The following OCM2 variants were observed in gnomAD, a reference collection of about 807,000 sequenced individuals.
The protein encoded by OCM2 is oncomodulin-2.
A neutral mutation model predicts 13.6 loss-of-function variants in OCM2; 6 were observed. The observed-to-expected ratio is 0.44, with a 90% CI of 0.24 to 0.87. The LOEUF (loss-of-function observed/expected upper bound fraction) is 0.87. OCM2 is among the 40% of genes least tolerant of loss of function. The probability of loss-of-function intolerance (pLI) is 0.22; values close to 1 mark genes in which losing one functional copy is unlikely to be tolerated. For synonymous variants in OCM2, 40 were observed against 50.7 expected (o/e 0.79, Z 0.90); for missense variants, 118 against 136.8 (o/e 0.86, Z 0.68).
intron 3 of OCM2, among the ~76,000 whole-genome samples, chr7:97,986,301 T>C (rs1186946237): frequency 7.1e-6 from 1 of 141,714 alleles, no homozygotes; most frequent in Non-Finnish European, 1.5e-5. Context: ...TAGTAAGCGA[T>C]AGTGGTATAA....
chr7:97,989,735 A>T (rs1438273695), intron 1 of OCM2, among the ~76,000 whole-genome samples: 2 of 147,640 alleles, frequency 1.4e-5, no homozygotes, highest in Non-Finnish European at 3.0e-5. Context: ...TTGTAGACAG[A>T]GTCTACAAAA....
chr7:97,989,252 T>C (rs1794705563), intron 1 of OCM2, among the ~76,000 whole-genome samples: 1 of 151,940 alleles, frequency 6.6e-6, no homozygotes, highest in Non-Finnish European at 1.5e-5. Context: ...CTTGCTTTCA[T>C]GTTTAGTAGG....
At chr7:97,985,708 C>T (rs1469334131) in intron 3 of OCM2, among the ~76,000 whole-genome samples, 4 of 152,050 alleles carry the variant, frequency 2.6e-5, no homozygotes, top group Non-Finnish European at 4.4e-5. Context: ...CTGGGTATTG[C>T]ATTTTTAGGA....
intron 1 of OCM2, 30 bp downstream of exon 1, chr7:97,990,014 A>AGTGGG: frequency 7.2e-7 from 1 of 1,385,022 alleles, no homozygotes; most frequent in Non-Finnish European, 1.0e-6. Context: ...GCTGTGAGGA[A>AGTGGG]ATCCCACCCC....
At chr7:97,988,210 C>T (rs1460868339) in intron 2 of OCM2, among the ~76,000 whole-genome samples, 1 of 151,446 alleles carries the variant, frequency 6.6e-6, no homozygotes, top group African/African-American at 2.4e-5. Flanking sequence ...AGAATCTTTG[C>T]ACCTGTAGTC....
chr7:97,985,194 G>T lies in OCM2; in HGVS notation c.305-211C>A, dbSNP rs560236663. Among the ~76,000 whole-genome samples, 79 of 152,132 alleles carry T rather than the reference G, an allele frequency of 5.2e-4. 1 individual carries two copies. Among genetic ancestry groups the T allele is most frequent in the Non-Finnish European group, 1.5e-4 (10 of 68,020 alleles). Reference sequence around the variant, plus strand: ...CCAGCACTTTGGGAGGCCGAAGCGGGTGGATCATGACATCATGAGATCGAA... The same window carrying T: ...CCAGCACTTTGGGAGGCCGAAGCGGTTGGATCATGACATCATGAGATCGAA... On this transcript the variant is annotated intron_variant, in intron 3 of 3. Coordinates refer to ENST00000257627, the Ensembl canonical transcript of OCM2.
chr7:97,989,475 C>T (rs1190288398), intron 1 of OCM2, among the ~76,000 whole-genome samples: 2 of 151,862 alleles, frequency 1.3e-5, no homozygotes, highest in African/African-American at 4.8e-5. Flanking sequence ...TCATAGCTCA[C>T]CACAGCCTCA....
At chr7:97,987,049 T>A in exon 3 of OCM2, 3 of 1,613,178 alleles carry the variant, frequency 1.9e-6, no homozygotes, top group Non-Finnish European at 8.5e-7. Flanking sequence ...GGACATACCC[T>A]CTGCTCCAAT....
At chr7:97,987,489 G>T (rs536963420) in intron 2 of OCM2, among the ~76,000 whole-genome samples, 2 of 151,718 alleles carry the variant, frequency 1.3e-5, no homozygotes, top group East Asian at 1.9e-4. Flanking sequence ...GGGACTAAAG[G>T]TGCACCCCCC....
Position 97,985,458 on chromosome 7 carries a change from A to AG in OCM2, c.305-476_305-475insC, listed in dbSNP as rs1562865194. 3.3e-5 allele frequency among the ~76,000 whole-genome samples: 5 copies of AG among 151,572 alleles called. No individual in the cohort carries two copies. The East Asian group carries it at 5.8e-4, about 18-fold the overall frequency. On this transcript the variant is annotated intron_variant, in intron 3 of 3. Transcript: ENST00000257627. ...AAGAAAGAAAGAAAGAAAGAAAGAA[A>AG]AAAACCCTGGGTATCAATGACTATA...
chr7:97,988,649 A>C, intron 1 of OCM2, 101 bp from the exon 2 acceptor site: 2 of 1,465,830 alleles, frequency 1.4e-6, no homozygotes, highest in Non-Finnish European at 1.9e-6. Flanking sequence ...CTTCAACAAT[A>C]TCCCTGAGCT....
intron 3 of OCM2, among the ~76,000 whole-genome samples, chr7:97,986,449 A>C (rs902642937): frequency 6.6e-5 from 10 of 152,214 alleles, no homozygotes; most frequent in African/African-American, 1.7e-4. Context: ...GCAACATGAC[A>C]AAATCAAGTG....
chr7:97,985,250 C>A (rs1388513970), intron 3 of OCM2, among the ~76,000 whole-genome samples: 4 of 151,950 alleles, frequency 2.6e-5, no homozygotes, highest in African/African-American at 9.7e-5. Context: ...GAAACCCTGT[C>A]TCTACTAAAA....
At position 97,986,406 on chromosome 7, in the gene OCM2, T is replaced by C. The variant is rs571292047; in HGVS notation, c.304+641A>G. Among the ~76,000 whole-genome samples, 57 of 152,146 alleles carry C rather than the reference T, an allele frequency of 3.7e-4. No individual in the cohort carries two copies. In the South Asian group the frequency reaches 0.011, roughly 28 times the overall value. On this transcript the variant is annotated intron_variant, in intron 3 of 3. Coordinates refer to ENST00000257627, the Ensembl canonical transcript of OCM2. Reference sequence around the variant, plus strand: ...AAGGACCACCATACATTCTGCTGAGTTGGCAGACACAAAGTAGTTAAAAAG... The same window carrying C: ...AAGGACCACCATACATTCTGCTGAGCTGGCAGACACAAAGTAGTTAAAAAG...
chr7:97,988,758 A>T (rs1215943806), intron 1 of OCM2, among the ~76,000 whole-genome samples: 2 of 150,656 alleles, frequency 1.3e-5, no homozygotes, highest in Non-Finnish European at 3.0e-5. Flanking sequence ...TCCCTCCTCC[A>T]CTTGGTTTTG....
At chr7:97,990,015 ATCCC>A in intron 1 of OCM2, 25 bp downstream of exon 1, 3 of 780,806 alleles carry the variant, frequency 3.8e-6, no homozygotes, top group South Asian at 2.7e-5. Flanking sequence ...CTGTGAGGAA[ATCCC>A]ACCCCCGCCC....
In OCM2 at chr7:97,990,193, A is replaced by G; in HGVS notation, c.-89T>C. On this transcript the variant is annotated 5_prime_UTR_variant, in exon 1 of 4. Transcript: ENST00000257627. Reference sequence around the variant, plus strand: ...AGGGGAAACACATCTTCCCAGGCCCACTGAAACTGTATGTGTGTCTAGATT... The same window carrying G: ...AGGGGAAACACATCTTCCCAGGCCCGCTGAAACTGTATGTGTGTCTAGATT... 4 of 1,158,606 alleles carry G rather than the reference A, an allele frequency of 3.5e-6. No individual in the cohort carries two copies. The South Asian group carries it at 5.2e-5, about 15-fold the overall frequency. The allele number at this position is 1,158,606 out of a possible 1,614,324, so 71.8% of individuals were successfully genotyped here. A position where few individuals can be genotyped will look rare whatever the true frequency, so the allele number is the denominator to read the frequency against.
chr7:97,987,147 G>C (rs750014962), exon 3 of OCM2: 3 of 1,613,460 alleles, frequency 1.9e-6, no homozygotes, highest in Non-Finnish European at 1.7e-6. Context: ...CAAACTTCTG[G>C]AGGAAAAACC....
chr7:97,984,971 A>G, exon 4 of OCM2: 4 of 1,614,108 alleles, frequency 2.5e-6, no homozygotes, highest in South Asian at 1.1e-5. Flanking sequence ...AGAATGCACC[A>G]TTTCCTGGAA....
Sources: allele counts gnomAD v4.1 joint callset (sites outside exome capture counted in the v4.1 genomes callset), GRCh38; gene constraint gnomAD v4.1.1; transcripts MANE v1.5; gene names NCBI Gene and HGNC (gene_info 2026-07-23, HGNC 2026-07-21).